The following NRXN3 variants were observed in gnomAD, a reference collection of about 807,000 sequenced individuals.
NRXN3 encodes the protein neurexin III.
A neutral mutation model predicts 137.6 loss-of-function variants in NRXN3; 32 were observed. The observed-to-expected ratio is 0.23, with a 90% CI of 0.18 to 0.31. NRXN3 has a LOEUF of 0.31. Ranked by LOEUF, NRXN3 falls within the 10% of genes least tolerant of loss-of-function variation. The probability of loss-of-function intolerance (pLI) is 1.00; values close to 1 mark genes in which losing one functional copy is unlikely to be tolerated. For missense variants in NRXN3, 1,574 were observed against 2,062.5 expected (o/e 0.76, Z 4.59); for synonymous variants, 798 against 784.5 (o/e 1.02, Z -0.29).
intron 15 of NRXN3, among the ~76,000 whole-genome samples, chr14:79,195,669 T>C (rs1414302850): frequency 6.6e-6 from 1 of 152,174 alleles, no homozygotes; most frequent in African/African-American, 2.4e-5. Context: ...AATTCTGCTA[T>C]TAGAGACTCA....
intron 4 of NRXN3, among the ~76,000 whole-genome samples, chr14:78,485,181 A>G (rs1308121859): frequency 6.6e-6 from 1 of 152,224 alleles, no homozygotes; most frequent in Non-Finnish European, 1.5e-5. Context: ...TGTAAATAGA[A>G]TAACTTCACA....
intron 4 of NRXN3, among the ~76,000 whole-genome samples, chr14:78,570,855 A>G (rs2096883050): frequency 6.6e-6 from 1 of 152,158 alleles, no homozygotes; most frequent in Admixed American, 6.5e-5. Flanking sequence ...TAAAAGGGAG[A>G]CAGGGCCCTC....
chr14:78,649,318 T>C (rs751657001), intron 5 of NRXN3: 1 of 1,329,300 alleles, frequency 7.5e-7, no homozygotes, highest in Non-Finnish European at 1.0e-6. Flanking sequence ...GTCTGGTAGA[T>C]ATCATTCTTA....
intron 12 of NRXN3, 109 bp from the exon 13 acceptor site, chr14:78,967,099 C>A: frequency 1.2e-6 from 1 of 833,856 alleles, no homozygotes; most frequent in Non-Finnish European, 1.8e-6. Context: ...CTGCATTATG[C>A]CAGTTTAGCA....
intron 4 of NRXN3, among the ~76,000 whole-genome samples, chr14:78,333,238 T>G (rs1256340152): frequency 6.6e-6 from 1 of 152,088 alleles, no homozygotes; most frequent in East Asian, 1.9e-4. Flanking sequence ...TCCAGCCAGG[T>G]GTAGGGTAAA....
chr14:78,654,607 C>T (rs1006538243), intron 6 of NRXN3, among the ~76,000 whole-genome samples: 3 of 152,232 alleles, frequency 2.0e-5, no homozygotes, highest in Non-Finnish European at 4.4e-5. Context: ...AAAGCCACAA[C>T]AAAGCGTCCA....
At chr14:78,638,410 A>T (rs1316535021) in intron 4 of NRXN3, among the ~76,000 whole-genome samples, 1 of 152,094 alleles carries the variant, frequency 6.6e-6, no homozygotes, top group East Asian at 1.9e-4. Context: ...CTGCAGCTTG[A>T]TCTCTCTTAA....
At chr14:79,661,446 A>G (rs2098533206) in intron 16 of NRXN3, among the ~76,000 whole-genome samples, 1 of 152,096 alleles carries the variant, frequency 6.6e-6, no homozygotes, top group Non-Finnish European at 1.5e-5. Flanking sequence ...CCATTCTTTT[A>G]TTGGATACAA....
At chr14:79,466,738 G>A (rs1297405409) in intron 15 of NRXN3, among the ~76,000 whole-genome samples, 2 of 152,160 alleles carry the variant, frequency 1.3e-5, no homozygotes, top group Non-Finnish European at 2.9e-5. Flanking sequence ...ACAAGCAGGA[G>A]AGACATGATG....
intron 15 of NRXN3, among the ~76,000 whole-genome samples, chr14:79,420,069 T>G (rs1156332417): frequency 2.6e-5 from 4 of 152,172 alleles, no homozygotes; most frequent in African/African-American, 9.7e-5. Context: ...AAGAGATATT[T>G]TGGCTCCATA....
chr14:79,697,535 G>A, intron 18 of NRXN3, 95 bp from the exon 19 acceptor site: 1 of 1,355,930 alleles, frequency 7.4e-7, no homozygotes, highest in Non-Finnish European at 1.0e-6. Flanking sequence ...AATTGCTCAA[G>A]GAAGCCTGTT....
chr14:78,664,734 C>T (rs1051548206), intron 6 of NRXN3, among the ~76,000 whole-genome samples: 3 of 152,212 alleles, frequency 2.0e-5, no homozygotes, highest in Non-Finnish European at 4.4e-5. Context: ...CATCACATTG[C>T]ACTTTAACAT....
intron 16 of NRXN3, among the ~76,000 whole-genome samples, chr14:79,587,157 G>A (rs1285072917): frequency 4.6e-5 from 7 of 152,194 alleles, no homozygotes; most frequent in South Asian, 4.1e-4. Context: ...GCAGCATTTC[G>A]TTGGCAGTAA....
chr14:78,849,050 T>G (rs2099035466), intron 10 of NRXN3, among the ~76,000 whole-genome samples: 1 of 152,094 alleles, frequency 6.6e-6, no homozygotes, highest in Admixed American at 6.6e-5. Flanking sequence ...AAAAATCACA[T>G]TAATATTTAA....
intron 15 of NRXN3, among the ~76,000 whole-genome samples, chr14:79,068,989 A>G (rs1414423456): frequency 6.6e-6 from 1 of 152,084 alleles, no homozygotes; most frequent in Non-Finnish European, 1.5e-5. Context: ...CAGGAGAGTT[A>G]CTTTGTTGTA....
At chr14:79,269,563 TAGAC>T (rs1330672948) in intron 15 of NRXN3, among the ~76,000 whole-genome samples, 1 of 152,194 alleles carries the variant, frequency 6.6e-6, no homozygotes, top group Non-Finnish European at 1.5e-5. Flanking sequence ...TTGTGTTGGT[TAGAC>T]AGAGCAAAGT....
intron 15 of NRXN3, among the ~76,000 whole-genome samples, chr14:79,329,082 C>G (rs2091312233): frequency 6.6e-6 from 1 of 152,132 alleles, no homozygotes; most frequent in South Asian, 2.1e-4. Context: ...TTTCTGTGTT[C>G]AAAGCAAGTT....
chr14:79,235,974 A>T (rs553613892), intron 15 of NRXN3, among the ~76,000 whole-genome samples: 1 of 152,236 alleles, frequency 6.6e-6, no homozygotes, highest in Non-Finnish European at 1.5e-5. Flanking sequence ...TTATCTGAAG[A>T]CCCCAAACAC....
intron 16 of NRXN3, among the ~76,000 whole-genome samples, chr14:79,565,351 A>G (rs368364489): frequency 4.0e-4 from 46 of 114,088 alleles, no homozygotes; most frequent in South Asian, 1.0e-3. Flanking sequence ...ATGTGTGCGT[A>G]TATGTATACA....
Sources: gnomAD v4.1 joint callset for allele counts (sites outside exome capture counted in the v4.1 genomes callset) on GRCh38, gnomAD v4.1.1 for gene constraint, MANE v1.5 for transcripts, NCBI Gene and HGNC (gene_info 2026-07-23, HGNC 2026-07-21) for gene names.